Variants in SCAF1 observed in about 807,000 individuals in gnomAD.
SCAF1 encodes splicing factor, arginine/serine-rich 19.
A neutral mutation model predicts 91.2 loss-of-function variants in SCAF1; 28 were observed. That is an observed-to-expected ratio of 0.31 (90% CI 0.23 to 0.42). The LOEUF is 0.42. Ranked by LOEUF, SCAF1 falls within the 10% of genes least tolerant of loss-of-function variation. SCAF1 has a pLI of 1.00. For synonymous variants in SCAF1, 1,036 were observed against 833.7 expected (o/e 1.24, Z -4.18); for missense variants, 1,893 against 1,872.1 (o/e 1.01, Z -0.21).
At position 49,651,403 on chromosome 19, in the gene SCAF1, G is replaced by C. The variant is rs774235677; in HGVS notation, c.1014G>C (p.Gln338His). ...QPTPAPGTPP[Q>H]VDSTRADGAM... ...CTCCCGCCCCTGGAACGCCGCCCCA[G>C]GTGGACTCCACCCGGGCTGATGGAG... The change falls in exon 7 of 11, where the codon CAG becomes CAC. Residue 338 changes from glutamine (Q) to histidine (H), a missense_variant. Coordinates refer to ENST00000360565, the MANE Select transcript of SCAF1 (RefSeq NM_021228.3). 1.2e-6 allele frequency: 2 copies of C among 1,607,426 alleles called. No homozygotes were observed. Among genetic ancestry groups the C allele is most frequent in the African/African-American group, 2.7e-5 (2 of 74,716 alleles).
In SCAF1 at chr19:49,646,555, C is replaced by T. The variant is rs777360426; in HGVS notation, c.291C>T (p.Leu97=). The T allele has an allele frequency of 3.7e-6, 6 of 1,614,042 alleles. No individual in the cohort carries two copies. The highest frequency in any genetic ancestry group is 2.2e-5 in the East Asian group (1 of 44,884). The change falls in exon 5 of 11, where the codon CTC becomes CTT. Residue 97 remains leucine (L), a synonymous_variant. Coordinates refer to ENST00000360565, the MANE Select transcript of SCAF1 (RefSeq NM_021228.3). This position sits in a 1 kb window ranked among gnomAD's most constrained non-coding sequence, Gnocchi z 5.6. ...TGGACATGGCCACGGACAGCTTCCT[C>T]GCAGGGCTGGTGAGTGTCCTGGATC... ...TVLDMATDSF[L]AGLVSVLDPP... is the part of the protein sequence containing the mutation.
Position 49,652,758 on chromosome 19 carries a change from G to A in SCAF1, c.2369G>A (p.Arg790Lys), listed in dbSNP as rs1293452480. The change falls in exon 7 of 11, where the codon AGG (arginine) becomes AAG (lysine). Residue 790 changes from arginine (R) to lysine (K), a missense_variant. Arg to Lys is a conservative substitution (Grantham distance 26, BLOSUM62 2). Coordinates refer to ENST00000360565, the MANE Select transcript of SCAF1 (RefSeq NM_021228.3). ...RDRDRDRDRD[R>K]SSKKARPPKE... ...AGGGACAGAGATAGGGACAGGGACA[G>A]GTCATCCAAGAAGGCCCGGCCCCCC... The A allele has an allele frequency of 1.9e-6, 3 of 1,611,514 alleles. No individual in the cohort carries two copies. The highest frequency in any genetic ancestry group is 4.5e-5 in the East Asian group (2 of 44,802).
chr19:49,644,773 C>T (rs867391195), intron 1 of SCAF1: 6 of 355,318 alleles, frequency 1.7e-5, no homozygotes, highest in Admixed American at 9.3e-5. Context: ...GGAGGCCTCC[C>T]TTTGACATAA....
At chr19:49,644,472 G>A (rs1331404574) in intron 1 of SCAF1, among the ~76,000 whole-genome samples, 1 of 152,216 alleles carries the variant, frequency 6.6e-6, no homozygotes, top group African/African-American at 2.4e-5. Context: ...TCCAACTTAG[G>A]TGTATAAATA....
At position 49,652,690 on chromosome 19, in the gene SCAF1, G is replaced by T. The variant is rs776788595; in HGVS notation, c.2301G>T (p.Gly767=). Residue 767 remains glycine, a synonymous_variant, in exon 7 of 11, where the codon GGG becomes GGT. Coordinates refer to ENST00000360565, the MANE Select transcript of SCAF1 (RefSeq NM_021228.3). ...ASSSSSSREK[G]SRRKALDGGD... ...CCTCCTCCTCTTCCCGGGAGAAGGG[G>T]TCTCGTCGGAAGGCGCTGGACGGGG... 3.8e-6 allele frequency: 6 copies of T among 1,571,410 alleles called. No homozygotes were observed. Among genetic ancestry groups the T allele is most frequent in the Non-Finnish European group, 5.2e-6 (6 of 1,158,416 alleles).
chr19:49,652,153 C>T lies in SCAF1; in HGVS notation c.1764C>T (p.Arg588=). 9.2e-7 allele frequency: 1 copy of T among 1,087,858 alleles called. No homozygotes were observed. Among genetic ancestry groups the T allele is most frequent in the South Asian group, 3.2e-5 (1 of 31,042 alleles). 67.4% of individuals were successfully genotyped at this position (1,087,858 alleles called of 1,614,324 possible). Residue 588 remains arginine (R), a synonymous_variant, in exon 7 of 11, where the codon CGC becomes CGT. Transcript: ENST00000360565. ...SRSRSTRRRS[R]STDRRRGGSR... ...CCCGCTCCACCCGCCGCCGCTCGCG[C>T]AGCACCGACCGCCGCCGCGGGGGCA...
chr19:49,643,573 G>T (rs147511308), intron 1 of SCAF1, among the ~76,000 whole-genome samples: 1 of 152,326 alleles, frequency 6.6e-6, no homozygotes, highest in Non-Finnish European at 1.5e-5. Flanking sequence ...GTAGCTGAGG[G>T]TGTGTCTGCG....
At chr19:49,653,751 G>T (rs1283020688) in intron 7 of SCAF1, 46 bp downstream of exon 7, 28 of 1,459,322 alleles carry the variant, frequency 1.9e-5, no homozygotes, top group Non-Finnish European at 2.5e-5. Flanking sequence ...GGTGAGACAG[G>T]ATGGGGACTG....
At chr19:49,657,587 C>T (rs2081147730) in intron 9 of SCAF1, among the ~76,000 whole-genome samples, 174 bp from the exon 10 acceptor site, 1 of 152,192 alleles carries the variant, frequency 6.6e-6, no homozygotes, top group Non-Finnish European at 1.5e-5. Flanking sequence ...GGCCTTTGGT[C>T]CCGGGCACCT....
Position 49,646,141 on chromosome 19 carries a change from G to T in SCAF1, c.200G>T (p.Arg67Leu). Residue 67 changes from arginine to leucine, a missense_variant, in exon 4 of 11, where the codon CGC becomes CTC. By Grantham distance (102) the Arg-to-Leu change is moderately radical. This residue lies in a region of SCAF1 where 270 missense variants were observed against 292.5 expected (regional missense o/e 0.92). Coordinates refer to ENST00000360565, the MANE Select transcript of SCAF1 (RefSeq NM_021228.3). This position sits in a 1 kb window ranked among gnomAD's most constrained non-coding sequence, Gnocchi z 5.6. ...GSRCHGLRWR[R>L]CRSPRSEPRS... ...CGGTGTCATGGCCTTCGATGGCGGC[G>T]CTGCCGGAGTCCACGGTCAGAGCCC... 6.2e-7 allele frequency: 1 copy of T among 1,611,838 alleles called. No homozygotes were observed.
Position 49,652,366 on chromosome 19 carries a change from C to G in SCAF1, c.1977C>G (p.Ser659Arg). ...GTGAGAAGCGGTCTGGGGATGGCAG[C>G]GAGAAGGCCCCGGCGCCCGCCCCGC... The part of the protein sequence containing the change: ...SRGEKRSGDG[S>R]EKAPAPAPPP... The change falls in exon 7 of 11, where the codon AGC becomes AGG. Residue 659 changes from serine to arginine, a missense_variant. Ser to Arg is a moderately radical substitution (Grantham distance 110). Coordinates refer to ENST00000360565, the MANE Select transcript of SCAF1 (RefSeq NM_021228.3). 6.5e-6 allele frequency: 10 copies of G among 1,538,006 alleles called. No homozygotes were observed. Among genetic ancestry groups the G allele is most frequent in the Non-Finnish European group, 8.7e-6 (10 of 1,144,908 alleles).
At position 49,646,790 on chromosome 19, in the gene SCAF1, C is replaced by G; in HGVS notation, c.438C>G (p.Ser146Arg). 2 of 1,613,614 alleles carry G rather than the reference C, an allele frequency of 1.2e-6. No individual in the cohort carries two copies. The highest frequency in any genetic ancestry group is 1.3e-5 in the African/African-American group (1 of 75,034). Residue 146 changes from serine to arginine, a missense_variant, in exon 6 of 11, where the codon AGC (serine) becomes AGG (arginine). By Grantham distance (110) the Ser-to-Arg change is moderately radical. Around this residue, in one of 5 missense-constraint regions of SCAF1, gnomAD observed 270 missense variants for 292.5 expected, o/e 0.92. Transcript: ENST00000360565. The surrounding 1 kb of genome is among the most constrained non-coding windows in gnomAD (Gnocchi z 5.6). Reference protein sequence around the residue: ...DRDPIPLPVPSLLPRLRAWRT... With the variant: ...DRDPIPLPVPRLLPRLRAWRT... ...ATCCCATCCCTCTGCCTGTGCCCAGCCTGCTGCCCCGTCTCAGGGCCTGGA... is the reference window on the plus strand; with the variant it reads ...ATCCCATCCCTCTGCCTGTGCCCAGGCTGCTGCCCCGTCTCAGGGCCTGGA...
chr19:49,653,277 C>T lies in SCAF1; in HGVS notation c.2888C>T (p.Ser963Phe), dbSNP rs1434563618. 1.4e-6 allele frequency: 2 copies of T among 1,475,160 alleles called. No homozygotes were observed. The highest frequency in any genetic ancestry group is 1.8e-6 in the Non-Finnish European group (2 of 1,111,300). 91.4% of individuals were successfully genotyped at this position (1,475,160 alleles called of 1,614,324 possible). A position where few individuals can be genotyped will look rare whatever the true frequency, so the allele number is the denominator to read the frequency against. Residue 963 changes from serine to phenylalanine, a missense_variant, in exon 7 of 11, where the codon TCC (serine) becomes TTC (phenylalanine). This residue lies in a region of SCAF1 where 1,436 missense variants were observed against 1,306.8 expected (regional missense o/e 1.10). Transcript: ENST00000360565. ...AAGTKGAEETSWSGEERAAKV... is the reference protein window; with the variant it reads ...AAGTKGAEETFWSGEERAAKV... ...GGCACCAAGGGGGCGGAGGAGACTT[C>T]CTGGTCCGGGGAGGAGCGGGCAGCC... is the stretch of plus-strand genomic sequence containing the variant.
At chr19:49,643,613 A>G (rs2081039058) in intron 1 of SCAF1, among the ~76,000 whole-genome samples, 1 of 152,176 alleles carries the variant, frequency 6.6e-6, no homozygotes, top group Non-Finnish European at 1.5e-5. Flanking sequence ...TGAGCAAGCA[A>G]GCATCTTTGT....
At chr19:49,656,088 A>C (rs900063313) in intron 9 of SCAF1, among the ~76,000 whole-genome samples, 120 of 152,372 alleles carry the variant, frequency 7.9e-4, no homozygotes, top group African/African-American at 2.7e-3. Context: ...ATCCTGTGTG[A>C]GCCGCAGAGG....
chr19:49,647,340 G>T (rs113450510), intron 6 of SCAF1, among the ~76,000 whole-genome samples: 2 of 152,236 alleles, frequency 1.3e-5, no homozygotes, highest in Admixed American at 6.5e-5. Flanking sequence ...AAACGCGAAC[G>T]CACATCTCAG....
intron 6 of SCAF1, among the ~76,000 whole-genome samples, chr19:49,648,193 C>T (rs752582884): frequency 9.9e-5 from 15 of 151,422 alleles, no homozygotes; most frequent in African/African-American, 3.6e-4. Flanking sequence ...CTGCAACCTC[C>T]GTCTCCCGGG....
chr19:49,646,261 G>C lies in SCAF1; in HGVS notation c.261+59G>C. The C allele has an allele frequency of 1.4e-6, 2 of 1,394,358 alleles. No individual in the cohort carries two copies. The highest frequency in any genetic ancestry group is 4.2e-5 in the Admixed American group (2 of 47,300). 86.4% of individuals were successfully genotyped at this position (1,394,358 alleles called of 1,614,324 possible). A position where few individuals can be genotyped will look rare whatever the true frequency, so the allele number is the denominator to read the frequency against. ...ACGGGTATCAGGGAGGAAGGGATGGGGGCCTGAGTCTGGGGGAATGGGGTT... is the reference window on the plus strand; with the variant it reads ...ACGGGTATCAGGGAGGAAGGGATGGCGGCCTGAGTCTGGGGGAATGGGGTT... On this transcript the variant is annotated intron_variant, in intron 4 of 10. Coordinates refer to ENST00000360565, the MANE Select transcript of SCAF1 (RefSeq NM_021228.3). The surrounding 1 kb of genome is among the most constrained non-coding windows in gnomAD (Gnocchi z 5.6).
Position 49,651,347 on chromosome 19 carries a change from C to A in SCAF1, c.958C>A (p.Pro320Thr). Residue 320 changes from proline to threonine, a missense_variant, in exon 7 of 11, where the codon CCC (proline) becomes ACC (threonine). Physicochemically the swap from Pro to Thr is conservative, Grantham distance 38 (BLOSUM62 -1). Transcript: ENST00000360565. ...CCAGGACTTCCCAGGTGACGAGAGCCCCCGCCCGGACGCGCAGCCCACACA... is the reference window on the plus strand; with the variant it reads ...CCAGGACTTCCCAGGTGACGAGAGCACCCGCCCGGACGCGCAGCCCACACA... ...LSQDFPGDES[P>T]RPDAQPTQPT... The A allele has an allele frequency of 6.2e-7, 1 of 1,608,706 alleles. No homozygotes were observed.
Sources: allele counts gnomAD v4.1 joint callset (sites outside exome capture counted in the v4.1 genomes callset), GRCh38; gene constraint gnomAD v4.1.1; regional missense constraint gnomAD v4.1.1; non-coding constraint Gnocchi (gnomAD v3.1); transcripts MANE v1.5; gene names NCBI Gene and HGNC (gene_info 2026-07-23, HGNC 2026-07-21).